Variants in SAMD9L observed in about 807,000 individuals in gnomAD.
SAMD9L encodes the protein sterile alpha motif domain containing 9 like.
In SAMD9L, 68 loss-of-function variants were observed where a neutral mutation model predicts 90.7. The observed-to-expected ratio is 0.75, with a 90% CI of 0.62 to 0.92. The LOEUF (loss-of-function observed/expected upper bound fraction) is 0.92. Ranked by LOEUF, SAMD9L falls within the 40% of genes least tolerant of loss-of-function variation. The pLI, the probability that SAMD9L is intolerant of heterozygous loss-of-function variation, is 0.00. For synonymous variants in SAMD9L, 640 were observed against 630.1 expected, an observed-to-expected ratio of 1.02 and a Z score of -0.23; for missense variants, 1,604 against 1,824.3, an observed-to-expected ratio of 0.88 and a Z score of 2.20.
At chr7:93,138,858 C>T (rs185931039) in intron 4 of SAMD9L, among the ~76,000 whole-genome samples, 14 of 152,156 alleles carry the variant, frequency 9.2e-5, no homozygotes, top group African/African-American at 1.4e-4. Context: ...CAGGTAAGAC[C>T]GACAGAGGGG....
At position 93,133,751 on chromosome 7, in the gene SAMD9L, G is replaced by GTGGTACCTCCACAC; in HGVS notation, c.2220_2221insGTGTGGAGGTACCA (p.His741ValfsTer23). On this transcript the variant is annotated frameshift_variant, in exon 5 of 5. Transcript: ENST00000318238. LOFTEE classifies it high-confidence loss of function. Reference sequence around the variant, plus strand: ...GTGGTACCTCCACAGCCTGGATGATGATAAAGATTGATGATTTTTGCAAAT... The same window carrying GTGGTACCTCCACAC: ...GTGGTACCTCCACAGCCTGGATGATGTGGTACCTCCACACATAAAGATTGATGATTTTTGCAAAT... The GTGGTACCTCCACAC allele has an allele frequency of 6.2e-7, 1 of 1,613,778 alleles. No homozygotes were observed. The highest frequency in any genetic ancestry group is 8.5e-7 in the Non-Finnish European group (1 of 1,179,876).
intron 4 of SAMD9L, among the ~76,000 whole-genome samples, chr7:93,143,032 G>A (rs1019354789): frequency 3.2e-4 from 48 of 152,268 alleles, no homozygotes; most frequent in African/African-American, 8.4e-4. Context: ...TGTGTTTGCC[G>A]GGTGGTTGCG....
chr7:93,135,570 T>G lies in SAMD9L; in HGVS notation c.402A>C (p.Ser134=). The change falls in exon 5 of 5, where the codon TCA becomes TCC. Residue 134 remains serine, a synonymous_variant. Coordinates refer to ENST00000318238, the MANE Select transcript of SAMD9L (RefSeq NM_152703.5). ...REIRDIKQEE[S]ILMKENVLDE... Reference sequence around the variant, plus strand: ...CTAACACATTTTCTTTCATAAGAATTGATTCTTCTTGTTTGATATCTCTGA... The same window carrying G: ...CTAACACATTTTCTTTCATAAGAATGGATTCTTCTTGTTTGATATCTCTGA... The G allele has an allele frequency of 1.2e-6, 2 of 1,613,942 alleles. No homozygotes were observed. The highest frequency in any genetic ancestry group is 1.7e-6 in the Non-Finnish European group (2 of 1,179,858).
Position 93,133,113 on chromosome 7 carries a change from T to A in SAMD9L, c.2859A>T (p.Thr953=). ...CTTCTAAGCTTTCAGGTTCCCAGGG[T>A]GTACTAGTGTATATGATTCCCAAAA... ...EIFLGIIYTS[T]PWEPESLEDK... Residue 953 remains threonine, a synonymous_variant, in exon 5 of 5, where the codon ACA becomes ACT. Coordinates refer to ENST00000318238, the MANE Select transcript of SAMD9L (RefSeq NM_152703.5). The A allele has an allele frequency of 6.2e-7, 1 of 1,612,584 alleles. No homozygotes were observed. The highest frequency in any genetic ancestry group is 8.5e-7 in the Non-Finnish European group (1 of 1,178,944).
rs371681129 is a variant in SAMD9L at position 93,134,720 on chromosome 7, T to C, written c.1252A>G (p.Ile418Val). ...SLDNSYYDWYILVTNKCHPNQ... is the reference protein window; with the variant it reads ...SLDNSYYDWYVLVTNKCHPNQ... ...GGATGGCATTTATTTGTTACAAGAA[T>C]GTACCAGTCATAGTATGAATTATCC... is the stretch of plus-strand genomic sequence containing the variant. Residue 418 changes from isoleucine (I) to valine (V), a missense_variant, in exon 5 of 5, where the codon ATT (isoleucine) becomes GTT (valine). Around this residue, in one of 7 missense-constraint regions of SAMD9L, gnomAD observed 606 missense variants for 717.6 expected, o/e 0.84. Transcript: ENST00000318238. 19 of 1,613,470 alleles carry C rather than the reference T, an allele frequency of 1.2e-5. No individual in the cohort carries two copies. The African/African-American group carries it at 2.0e-4, about 17-fold the overall frequency.
In SAMD9L at chr7:93,133,717, A is replaced by C; in HGVS notation, c.2255T>G (p.Met752Arg). The C allele has an allele frequency of 6.2e-7, 1 of 1,613,738 alleles. No homozygotes were observed. Among genetic ancestry groups the C allele is most frequent in the Non-Finnish European group, 8.5e-7 (1 of 1,179,874 alleles). ...TTTCTTTAAGTCCCAGAGAACATGC[A>C]TAGCCAGTGTGGTACCTCCACAGCC... is the stretch of plus-strand genomic sequence containing the variant. The part of the protein sequence containing the change: ...HPGCGGTTLA[M>R]HVLWDLKKNF... The change falls in exon 5 of 5, where the codon ATG becomes AGG. Residue 752 changes from methionine (M) to arginine (R), a missense_variant. Around this residue, in one of 7 missense-constraint regions of SAMD9L, gnomAD observed 606 missense variants for 717.6 expected, o/e 0.84. Transcript: ENST00000318238.
chr7:93,139,307 T>C (rs1792587440), intron 4 of SAMD9L, among the ~76,000 whole-genome samples: 1 of 152,170 alleles, frequency 6.6e-6, no homozygotes, highest in South Asian at 2.1e-4. Flanking sequence ...TGGATTGAAT[T>C]ATATCGCGCC....
chr7:93,134,015 A>G lies in SAMD9L; in HGVS notation c.1957T>C (p.Leu653=). The G allele has an allele frequency of 6.2e-7, 1 of 1,613,834 alleles. No individual in the cohort carries two copies. Among genetic ancestry groups the G allele is most frequent in the Non-Finnish European group, 8.5e-7 (1 of 1,179,870 alleles). The change falls in exon 5 of 5, where the codon TTG becomes CTG. Residue 653 remains leucine, a synonymous_variant. Transcript: ENST00000318238. ...VILEKKKEDV[L]TALEILCENE... ...TCACAGAGGATTTCCAGTGCAGTCA[A>G]GACATCCTCTTTCTTTTTCTCTAGG... is the stretch of plus-strand genomic sequence containing the variant.
intron 4 of SAMD9L, among the ~76,000 whole-genome samples, chr7:93,144,306 T>A (rs372848079): frequency 3.3e-4 from 51 of 152,318 alleles, no homozygotes; most frequent in African/African-American, 1.1e-3. Context: ...CATCTGTGGG[T>A]TCAATCAACC....
chr7:93,131,724 A>G lies in SAMD9L; in HGVS notation c.4248T>C (p.Phe1416=). ...CTGGATATTGATGACTTAGTCCTACAAATTGCAAGACCTCTCGGAGTTGTT... is the reference window on the plus strand; with the variant it reads ...CTGGATATTGATGACTTAGTCCTACGAATTGCAAGACCTCTCGGAGTTGTT... The part of the protein sequence containing the change: ...LKKQLREVLQ[F]VGLSHQYPGP... Residue 1416 remains phenylalanine, a synonymous_variant, in exon 5 of 5, where the codon TTT becomes TTC. Coordinates refer to ENST00000318238, the MANE Select transcript of SAMD9L (RefSeq NM_152703.5). 1 of 1,613,944 alleles carries G rather than the reference A, an allele frequency of 6.2e-7. No individual in the cohort carries two copies. The highest frequency in any genetic ancestry group is 1.1e-5 in the South Asian group (1 of 91,064).
In SAMD9L at chr7:93,131,849, G is replaced by T. The variant is rs1246694772; in HGVS notation, c.4123C>A (p.Pro1375Thr). The T allele has an allele frequency of 1.9e-6, 3 of 1,612,084 alleles. No individual in the cohort carries two copies. Among genetic ancestry groups the T allele is most frequent in the Non-Finnish European group, 1.7e-6 (2 of 1,179,854 alleles). ...GAATTTTGTTTCTCATTTGTCATGG[G>T]CTTTTTTGAGTTTTGCTGCAGTAGG... ...AFLLQQNSKK[P>T]MTNEKQNSIL... The change falls in exon 5 of 5, where the codon CCC (proline) becomes ACC (threonine). Residue 1375 changes from proline (P) to threonine (T), a missense_variant. By Grantham distance (38) the Pro-to-Thr change is conservative. Coordinates refer to ENST00000318238, the MANE Select transcript of SAMD9L (RefSeq NM_152703.5).
chr7:93,140,519 T>C (rs1456469637), intron 4 of SAMD9L, among the ~76,000 whole-genome samples: 1 of 152,194 alleles, frequency 6.6e-6, no homozygotes, highest in Non-Finnish European at 1.5e-5. Context: ...CAGTAGTCAC[T>C]CTCTTATTCT....
intron 4 of SAMD9L, among the ~76,000 whole-genome samples, chr7:93,143,031 C>T (rs75098637): frequency 0.023 from 3,466 of 152,228 alleles, 109 homozygotes; most frequent in African/African-American, 0.078. Flanking sequence ...CTGTGTTTGC[C>T]GGGTGGTTGC....
chr7:93,131,905 G>C lies in SAMD9L; in HGVS notation c.4067C>G (p.Thr1356Ser). 2 of 1,612,724 alleles carry C rather than the reference G, an allele frequency of 1.2e-6. No homozygotes were observed. Residue 1356 changes from threonine (T) to serine (S), a missense_variant, in exon 5 of 5, where the codon ACC (threonine) becomes AGC (serine). Thr to Ser is a moderately conservative substitution (Grantham distance 58, BLOSUM62 1). Coordinates refer to ENST00000318238, the MANE Select transcript of SAMD9L (RefSeq NM_152703.5). ...ATATTCATTCACTATACTTTCCATGGTGGTAGCATCTTTGTAGTTTGGATT... is the reference window on the plus strand; with the variant it reads ...ATATTCATTCACTATACTTTCCATGCTGGTAGCATCTTTGTAGTTTGGATT... The part of the protein sequence containing the change: ...YLNPNYKDAT[T>S]MESIVNEYAF...
In SAMD9L at chr7:93,133,646, C is replaced by G. The variant is rs1028448505; in HGVS notation, c.2326G>C (p.Glu776Gln). ...VLKNKTTDFA[E>Q]IAEQVINLVT... Reference sequence around the variant, plus strand: ...AGATTGATCACTTGCTCTGCAATTTCTGCAAAATCAGTTGTCTTGTTTTTT... The same window carrying G: ...AGATTGATCACTTGCTCTGCAATTTGTGCAAAATCAGTTGTCTTGTTTTTT... The change falls in exon 5 of 5, where the codon GAA becomes CAA. Residue 776 changes from glutamate to glutamine, a missense_variant. By Grantham distance (29) the Glu-to-Gln change is conservative (BLOSUM62 2). Transcript: ENST00000318238. The G allele has an allele frequency of 6.2e-7, 1 of 1,613,620 alleles. No homozygotes were observed. Among genetic ancestry groups the G allele is most frequent in the Non-Finnish European group, 8.5e-7 (1 of 1,179,814 alleles).
chr7:93,145,290 A>G (rs1294228119), intron 3 of SAMD9L, 95 bp downstream of exon 3: 1 of 152,210 alleles, frequency 6.6e-6, no homozygotes, highest in African/African-American at 2.4e-5. Flanking sequence ...AAGTATGTTC[A>G]TTTTCAAAGT....
rs953812815 is a variant in SAMD9L, at chr7:93,142,186, C to T, written c.-21+2546G>A. Among the ~76,000 whole-genome samples the T allele has an allele frequency of 3.0e-4, 46 of 152,290 alleles. 1 individual carries two copies. The highest frequency in any genetic ancestry group is 1.1e-3 in the African/African-American group (46 of 41,568). Reference sequence around the variant, plus strand: ...CCTTCCTCCAGCACTTTCCATTGCTCTTCCCTGCTTCAAGTTTTCACTTTA... The same window carrying T: ...CCTTCCTCCAGCACTTTCCATTGCTTTTCCCTGCTTCAAGTTTTCACTTTA... On this transcript the variant is annotated intron_variant, in intron 4 of 4. Coordinates refer to ENST00000318238, the MANE Select transcript of SAMD9L (RefSeq NM_152703.5).
chr7:93,144,484 A>T (rs1256275187), intron 4 of SAMD9L, among the ~76,000 whole-genome samples: 2 of 152,176 alleles, frequency 1.3e-5, no homozygotes, highest in Non-Finnish European at 2.9e-5. Context: ...ACACGGGAGG[A>T]TGTGTATAGG....
In SAMD9L at chr7:93,132,849, T is replaced by C; in HGVS notation, c.3123A>G (p.Thr1041=). The C allele has an allele frequency of 6.2e-7, 1 of 1,613,838 alleles. No homozygotes were observed. Among genetic ancestry groups the C allele is most frequent in the Non-Finnish European group, 8.5e-7 (1 of 1,179,810 alleles). Residue 1041 remains threonine, a synonymous_variant, in exon 5 of 5, where the codon ACA becomes ACG. Transcript: ENST00000318238. ...CATCTCCATACACCTTGCGCTGTCT[T>C]GTAAGCAGAAGAGTTTGAACATCAT... The part of the protein sequence containing the change: ...FQHDVQTLLL[T]RQRKVYGDET...
Sources: allele counts gnomAD v4.1 joint callset (sites outside exome capture counted in the v4.1 genomes callset), GRCh38; gene constraint gnomAD v4.1.1; regional missense constraint gnomAD v4.1.1; transcripts MANE v1.5; gene names NCBI Gene and HGNC (gene_info 2026-07-23, HGNC 2026-07-21).